The following CD83 variants were observed in gnomAD, a reference collection of about 807,000 sequenced individuals.
The protein encoded by CD83 is CD83 antigen.
A neutral mutation model predicts 24.6 loss-of-function variants in CD83; 22 were observed. The observed-to-expected ratio is 0.90, with a 90% CI of 0.64 to 1.28. The LOEUF is 1.28. CD83 is among the 50% of genes most tolerant of loss of function. The pLI is 0.00. For synonymous variants in CD83, 101 were observed against 103.5 expected (o/e 0.98, Z 0.14); for missense variants, 253 against 252.8 (o/e 1.00, Z -0.01).
Position 14,129,860 on chromosome 6 carries a change from T to TGTGTGTATAC in CD83, c.154-1656_154-1655insGTATACGTGT, listed in dbSNP as rs1276609205. On this transcript the variant is annotated intron_variant, in intron 2 of 4. Coordinates refer to ENST00000379153, the MANE Select transcript of CD83 (RefSeq NM_004233.4). This position sits in a 1 kb window ranked among gnomAD's most constrained non-coding sequence, Gnocchi z 4.3. Reference sequence around the variant, plus strand: ...GTGTGTGTGTGTGTGTGTGTGTGTGTGTGTATACGAGTGCACACGTGCCCA... The same window carrying TGTGTGTATAC: ...GTGTGTGTGTGTGTGTGTGTGTGTGTGTGTGTATACGTGTATACGAGTGCACACGTGCCCA... 6.6e-6 allele frequency among the ~76,000 whole-genome samples: 1 copy of TGTGTGTATAC among 151,826 alleles called. No individual in the cohort carries two copies.
intron 2 of CD83, among the ~76,000 whole-genome samples, chr6:14,123,751 G>GAA (rs10647098): frequency 0.06 from 6,160 of 103,314 alleles, 589 homozygotes; most frequent in African/African-American, 0.2. Flanking sequence ...GAGTTAAATT[G>GAA]AAAAAAAAAA....
At chr6:14,117,730 C>G (rs998238661), upstream of CD83, 1 of 1,066,538 alleles carries the variant, frequency 9.4e-7, no homozygotes, top group African/African-American at 1.7e-5. The surrounding 1 kb of genome is among the most constrained non-coding windows in gnomAD (Gnocchi z 4.6). Context: ...AGGGAAGTTC[C>G]CGAACGCGCG....
At chr6:14,122,655 A>G (rs1488554860) in intron 2 of CD83, among the ~76,000 whole-genome samples, 4 of 152,202 alleles carry the variant, frequency 2.6e-5, no homozygotes, top group African/African-American at 4.8e-5. Context: ...AAAAAATCGT[A>G]CTGTCCCCAT....
chr6:14,132,406 T>G (rs892980503), intron 3 of CD83, among the ~76,000 whole-genome samples: 2 of 152,204 alleles, frequency 1.3e-5, no homozygotes, highest in Non-Finnish European at 2.9e-5. Context: ...ATGAAGAGAA[T>G]AGCTGATTTT....
intron 3 of CD83, among the ~76,000 whole-genome samples, 171 bp from the exon 4 acceptor site, chr6:14,133,478 C>T (rs1254084103): frequency 2.0e-5 from 3 of 152,202 alleles, no homozygotes; most frequent in Admixed American, 6.5e-5. Flanking sequence ...AGCGACAGTG[C>T]GCGCCGGCTG....
In CD83 at chr6:14,117,872, C is replaced by T. The variant is rs534203052; in HGVS notation, c.37+24C>T. The T allele has an allele frequency of 7.6e-6, 12 of 1,576,102 alleles. 1 individual carries two copies. The highest frequency in any genetic ancestry group is 2.3e-5 in the South Asian group (2 of 87,748). On this transcript the variant is annotated intron_variant, in intron 1 of 4. Transcript: ENST00000379153. The surrounding 1 kb of genome is among the most constrained non-coding windows in gnomAD (Gnocchi z 4.6). ...CGGTAGGGCTCGCGAGCGCCTGTCT[C>T]GCCTGTCGCCCCCCGCCCCTCCACG...
Position 14,121,153 on chromosome 6 carries a change from G to A in CD83, c.153+3088G>A, listed in dbSNP as rs58666838. 1.9e-3 allele frequency among the ~76,000 whole-genome samples: 288 copies of A among 152,146 alleles called. 3 individuals are homozygous for A. In the East Asian group the frequency reaches 0.022, roughly 12 times the overall value. ...AAAGTTAATACATTATATTCATTAG[G>A]ATAGTAGCTCAATTTAGCTTTATGT... On this transcript the variant is annotated intron_variant, in intron 2 of 4. Transcript: ENST00000379153.
intron 2 of CD83, among the ~76,000 whole-genome samples, chr6:14,123,751 GAAAA>G (rs10647098): frequency 9.7e-6 from 1 of 103,398 alleles, no homozygotes; most frequent in African/African-American, 3.5e-5. Context: ...GAGTTAAATT[GAAAA>G]AAAAAAAAAA....
upstream of CD83, chr6:14,117,434 G>T (rs561189383): frequency 6.6e-6 from 1 of 152,170 alleles, no homozygotes; most frequent in South Asian, 2.1e-4. This position sits in a 1 kb window ranked among gnomAD's most constrained non-coding sequence, Gnocchi z 4.6. Flanking sequence ...CAACGGCAGC[G>T]TCACGCGCGC....
chr6:14,135,455 C>T lies in CD83; in HGVS notation c.*219C>T, dbSNP rs982894630. On this transcript the variant is annotated 3_prime_UTR_variant, in exon 5 of 5. Coordinates refer to ENST00000379153, the MANE Select transcript of CD83 (RefSeq NM_004233.4). ...TAGCATGAGGCCACTGCTGCTTCTC[C>T]ATGGCCACCTTTTCAGCGATGTATG... is the stretch of plus-strand genomic sequence containing the variant. 10 of 498,504 alleles carry T rather than the reference C, an allele frequency of 2.0e-5. No individual in the cohort carries two copies. Among genetic ancestry groups the T allele is most frequent in the African/African-American group, 3.8e-5 (2 of 52,582 alleles). 30.9% of individuals were successfully genotyped at this position (498,504 alleles called of 1,614,324 possible).
chr6:14,124,315 C>T (rs910133798), intron 2 of CD83, among the ~76,000 whole-genome samples: 3 of 152,130 alleles, frequency 2.0e-5, no homozygotes, highest in African/African-American at 7.2e-5. Flanking sequence ...CAGCAGTCCT[C>T]GGGGTTACCG....
At chr6:14,127,688 A>G (rs1759851956) in intron 2 of CD83, among the ~76,000 whole-genome samples, 3 of 152,168 alleles carry the variant, frequency 2.0e-5, no homozygotes. Flanking sequence ...TCCATTTGAG[A>G]GAAAGAATAT....
chr6:14,135,414 C>T lies in CD83; in HGVS notation c.*178C>T. The T allele has an allele frequency of 1.6e-6, 1 of 633,186 alleles. No individual in the cohort carries two copies. Among genetic ancestry groups the T allele is most frequent in the Non-Finnish European group, 2.7e-6 (1 of 374,158 alleles). 39.2% of individuals were successfully genotyped at this position (633,186 alleles called of 1,614,324 possible). ...ATTTTCTGTGGGCAGGCCTCGAAAA[C>T]CATCACATGACCACATAGCATGAGG... On this transcript the variant is annotated 3_prime_UTR_variant, in exon 5 of 5. Coordinates refer to ENST00000379153, the MANE Select transcript of CD83 (RefSeq NM_004233.4).
At chr6:14,128,080 G>T (rs1363560847) in intron 2 of CD83, among the ~76,000 whole-genome samples, 8 of 152,330 alleles carry the variant, frequency 5.3e-5, no homozygotes, top group Admixed American at 3.3e-4. Context: ...AATGTTTAAA[G>T]AGCTGTTCTT....
At position 14,136,301 on chromosome 6, in the gene CD83, A is replaced by G. The variant is rs1417361756; in HGVS notation, c.*1065A>G. The G allele has an allele frequency of 2.0e-5, 3 of 152,294 alleles. No individual in the cohort carries two copies. Among genetic ancestry groups the G allele is most frequent in the African/African-American group, 7.2e-5 (3 of 41,552 alleles). 9.4% of individuals were successfully genotyped at this position (152,294 alleles called of 1,614,324 possible). A position where few individuals can be genotyped will look rare whatever the true frequency, so the allele number is the denominator to read the frequency against. ...GATGAGAGGGTGCTATCCATTTCTC[A>G]TGTTTTCCATTGTTTGAAACAAAGA... On this transcript the variant is annotated 3_prime_UTR_variant, in exon 5 of 5. Transcript: ENST00000379153.
In CD83 at chr6:14,131,633, C is replaced by G. The variant is rs775185257; in HGVS notation, c.267C>G (p.Pro89=). ...CTTTCGACGCCCCCAATGAAAGGCC[C>G]TATTCCCTGAAGATCCGAAACACTA... ...NGSFDAPNER[P]YSLKIRNTTS... The change falls in exon 3 of 5, where the codon CCC becomes CCG. Residue 89 remains proline, a synonymous_variant. Coordinates refer to ENST00000379153, the MANE Select transcript of CD83 (RefSeq NM_004233.4). 9.3e-6 allele frequency: 15 copies of G among 1,613,994 alleles called. 1 individual carries two copies. In the Middle Eastern group the frequency reaches 2.1e-3, roughly 230 times the overall value.
intron 2 of CD83, among the ~76,000 whole-genome samples, chr6:14,127,120 C>T (rs1759836565): frequency 6.6e-6 from 1 of 152,078 alleles, no homozygotes; most frequent in African/African-American, 2.4e-5. Context: ...TCCCAAGTAG[C>T]TGGAATTACA....
At chr6:14,124,086 T>C (rs1201405146) in intron 2 of CD83, among the ~76,000 whole-genome samples, 1 of 152,230 alleles carries the variant, frequency 6.6e-6, no homozygotes, top group African/African-American at 2.4e-5. Flanking sequence ...CTAAGATTCT[T>C]TTATACTCAT....
chr6:14,118,224 C>T (rs1759587981), intron 2 of CD83, among the ~76,000 whole-genome samples, 159 bp downstream of exon 2: 1 of 152,280 alleles, frequency 6.6e-6, no homozygotes, highest in Admixed American at 6.5e-5. Flanking sequence ...GTCGCGCCTC[C>T]CCCACCCCAT....
Sources: allele counts gnomAD v4.1 joint callset (sites outside exome capture counted in the v4.1 genomes callset), GRCh38; gene constraint gnomAD v4.1.1; non-coding constraint Gnocchi (gnomAD v3.1); transcripts MANE v1.5; gene names NCBI Gene and HGNC (gene_info 2026-07-23, HGNC 2026-07-21).